The following ZNF738 variants were observed in gnomAD, a reference collection of about 807,000 sequenced individuals.
ZNF738 encodes protein ZNF738.
A neutral mutation model predicts 9.2 loss-of-function variants in ZNF738; 10 were observed. The observed-to-expected ratio is 1.09, with a 90% CI of 0.67 to 1.85. The LOEUF is 1.85. ZNF738 is among the 40% of genes most tolerant of loss of function. The probability of loss-of-function intolerance (pLI) is 0.00; values close to 1 mark genes in which losing one functional copy is unlikely to be tolerated. For missense variants in ZNF738, 346 were observed against 283.6 expected, an observed-to-expected ratio of 1.22 and a Z score of -1.58; for synonymous variants, 113 against 94.5, an observed-to-expected ratio of 1.20 and a Z score of -1.14.
At chr19:21,366,865 T>G (rs1215864802) in intron 2 of ZNF738, among the ~76,000 whole-genome samples, 1 of 152,188 alleles carries the variant, frequency 6.6e-6, no homozygotes, top group East Asian at 1.9e-4. Context: ...TGGTGGCTTT[T>G]ATCCCACTTC....
Position 21,384,204 on chromosome 19 carries a change from C to G in ZNF738, c.*530C>G, listed in dbSNP as rs563622928. On this transcript the variant is annotated 3_prime_UTR_variant, in exon 5 of 5. Transcript: ENST00000683779. ...TGGCAAAGCTTTTAACTGGTACTCA[C>G]GCCTTACTACACATAAGAGAATTCA... is the stretch of plus-strand genomic sequence containing the variant. 7.4e-7 allele frequency: 1 copy of G among 1,359,618 alleles called. No individual in the cohort carries two copies. Among genetic ancestry groups the G allele is most frequent in the South Asian group, 1.2e-5 (1 of 86,006 alleles). The allele number at this position is 1,359,618 out of a possible 1,614,324, so 84.2% of individuals were successfully genotyped here.
Position 21,377,264 on chromosome 19 carries a change from G to A in ZNF738, c.319+1300G>A, listed in dbSNP as rs898790468. Reference sequence around the variant, plus strand: ...GGAGGTTGTGGTGAGCTGAGATCGTGCCATTGCACTCCAGCCTGGGTAACA... The same window carrying A: ...GGAGGTTGTGGTGAGCTGAGATCGTACCATTGCACTCCAGCCTGGGTAACA... On this transcript the variant is annotated intron_variant, in intron 4 of 4. Transcript: ENST00000683779. The A allele has an allele frequency of 2.6e-5, 13 of 500,418 alleles. No homozygotes were observed. The Admixed American group carries it at 4.3e-4, about 17-fold the overall frequency. The allele number at this position is 500,418 out of a possible 1,614,324, so 31.0% of individuals were successfully genotyped here.
chr19:21,382,512 C>T (rs1172507887), intron 4 of ZNF738, among the ~76,000 whole-genome samples: 5 of 152,066 alleles, frequency 3.3e-5, no homozygotes, highest in African/African-American at 9.7e-5. Context: ...GCTGGGATTA[C>T]AGGTGTGAGC....
chr19:21,373,036 A>G (rs1342606504), intron 2 of ZNF738, among the ~76,000 whole-genome samples: 1 of 152,216 alleles, frequency 6.6e-6, no homozygotes, highest in Non-Finnish European at 1.5e-5. Flanking sequence ...ACTAATGCTA[A>G]TAATGAGCCC....
At chr19:21,380,964 C>G (rs1420464340) in intron 4 of ZNF738, among the ~76,000 whole-genome samples, 1 of 152,164 alleles carries the variant, frequency 6.6e-6, no homozygotes, top group Non-Finnish European at 1.5e-5. Flanking sequence ...TTTAATGAAA[C>G]TGTTTCTAAA....
At chr19:21,381,423 T>G (rs923488047) in intron 4 of ZNF738, 1 of 1,502,754 alleles carries the variant, frequency 6.7e-7, no homozygotes, top group Non-Finnish European at 9.2e-7. Flanking sequence ...TATTCTAGAG[T>G]ATAAGAAAGG....
At chr19:21,377,937 TTCTC>T in intron 4 of ZNF738, 1 of 391,652 alleles carries the variant, frequency 2.6e-6, no homozygotes, top group Non-Finnish European at 4.5e-6. Flanking sequence ...CTCTCTTTGT[TTCTC>T]TCTGTGGCTG....
chr19:21,364,022 C>A (rs950630382), intron 2 of ZNF738, among the ~76,000 whole-genome samples: 3 of 151,342 alleles, frequency 2.0e-5, no homozygotes, highest in Non-Finnish European at 2.9e-5. Flanking sequence ...TATGGTGAAA[C>A]CCCGTCTCTA....
rs1485691777 is a variant in ZNF738 at position 21,388,227 on chromosome 19, TAC to T, written c.*4555_*4556del. On this transcript the variant is annotated 3_prime_UTR_variant, in exon 5 of 5. Transcript: ENST00000683779. Reference sequence around the variant, plus strand: ...AGTATACTTTATTTCTTGAAAAAATTACAGACTTTGAAAGCAAATGATGTAAT... The same window carrying T: ...AGTATACTTTATTTCTTGAAAAAATTAGACTTTGAAAGCAAATGATGTAAT... 1.3e-5 allele frequency among the ~76,000 whole-genome samples: 2 copies of T among 152,164 alleles called. No homozygotes were observed. Among genetic ancestry groups the T allele is most frequent in the Non-Finnish European group, 2.9e-5 (2 of 68,014 alleles).
intron 2 of ZNF738, among the ~76,000 whole-genome samples, chr19:21,364,560 AAAG>A (rs1476518031): frequency 2.6e-5 from 4 of 152,120 alleles, no homozygotes; most frequent in African/African-American, 9.7e-5. Context: ...TTTTACCAAA[AAAG>A]GGTCCCAATC....
intron 3 of ZNF738, 76 bp from the exon 4 acceptor site, chr19:21,375,793 C>G: frequency 1.6e-6 from 1 of 637,696 alleles, no homozygotes; most frequent in Non-Finnish European, 2.9e-6. Flanking sequence ...ATTACCTCCT[C>G]TTTACTAAGC....
In ZNF738 at chr19:21,383,460, A is replaced by G. The variant is rs62110375; in HGVS notation, c.914A>G (p.Lys305Arg). ...KDFKQSSHLT[K>R]HKTIHAGEKP... ...TTTAAACAGTCCTCACACCTTACTA[A>G]ACATAAGACAATTCATGCTGGAGAG... Residue 305 changes from lysine (K) to arginine (R), a missense_variant, in exon 5 of 5, where the codon AAA becomes AGA. Coordinates refer to ENST00000683779, the MANE Select transcript of ZNF738 (RefSeq NM_001355237.2). 1 of 541,128 alleles carries G rather than the reference A, an allele frequency of 1.8e-6. No homozygotes were observed. Among genetic ancestry groups the G allele is most frequent in the Non-Finnish European group, 3.3e-6 (1 of 300,898 alleles). The allele number at this position is 541,128 out of a possible 1,614,324, so 33.5% of individuals were successfully genotyped here. A position where few individuals can be genotyped will look rare whatever the true frequency, so the allele number is the denominator to read the frequency against.
Position 21,375,277 on chromosome 19 carries a change from C to A in ZNF738, c.136C>A (p.Gln46Lys). Residue 46 changes from glutamine (Q) to lysine (K), a missense_variant, in exon 3 of 5, where the codon CAG becomes AAG. Physicochemically the swap from Gln to Lys is moderately conservative, Grantham distance 53 (BLOSUM62 1). Transcript: ENST00000683779. The stretch of plus-strand genomic sequence containing the variant: ...TAGGGATGTGGTCATAGAATTCTCT[C>A]AGGAGGAGTGGCAATGCCTGGACAC... ...TFRDVVIEFSQEEWQCLDTAQ... is the reference protein window; with the variant it reads ...TFRDVVIEFSKEEWQCLDTAQ... 1 of 1,147,712 alleles carries A rather than the reference C, an allele frequency of 8.7e-7. No individual in the cohort carries two copies. Among genetic ancestry groups the A allele is most frequent in the Non-Finnish European group, 1.3e-6 (1 of 756,280 alleles). The allele number at this position is 1,147,712 out of a possible 1,614,324, so 71.1% of individuals were successfully genotyped here. A position where few individuals can be genotyped will look rare whatever the true frequency, so the allele number is the denominator to read the frequency against.
At position 21,373,296 on chromosome 19, in the gene ZNF738, G is replaced by T. The variant is rs144483376; in HGVS notation, c.97-1942G>T. ...TCCACAGGTTCTGTTTATTGTTCTAGGTGAAAGTATTCATGTTGTTTTAAT... is the reference window on the plus strand; with the variant it reads ...TCCACAGGTTCTGTTTATTGTTCTATGTGAAAGTATTCATGTTGTTTTAAT... On this transcript the variant is annotated intron_variant, in intron 2 of 4. Transcript: ENST00000683779. Among the ~76,000 whole-genome samples the T allele has an allele frequency of 4.0e-3, 612 of 152,266 alleles. 3 individuals are homozygous for T. Among genetic ancestry groups the T allele is most frequent in the Non-Finnish European group, 6.7e-3 (454 of 68,014 alleles).
rs1973697825 is a variant in ZNF738 at position 21,361,800 on chromosome 19, G to A, written c.38G>A (p.Gly13Glu). Residue 13 changes from glycine to glutamate, a missense_variant, in exon 2 of 5, where the codon GGG (glycine) becomes GAG (glutamate). Coordinates refer to ENST00000683779, the MANE Select transcript of ZNF738 (RefSeq NM_001355237.2). ...AGGTATGGAGTGTATCCTGTCAAGG[G>A]GGCAAGTGGATACCCTGGGGCTGAG... Reference protein sequence around the residue: ...DLRYGVYPVKGASGYPGAERN... With the variant: ...DLRYGVYPVKEASGYPGAERN... 1 of 780,704 alleles carries A rather than the reference G, an allele frequency of 1.3e-6. No homozygotes were observed. Among genetic ancestry groups the A allele is most frequent in the Admixed American group, 1.7e-5 (1 of 58,992 alleles). 48.4% of individuals were successfully genotyped at this position (780,704 alleles called of 1,614,324 possible).
In ZNF738 at chr19:21,359,506, C is replaced by T. The variant is rs537411515; in HGVS notation, c.3+363C>T. On this transcript the variant is annotated intron_variant, in intron 1 of 4. Coordinates refer to ENST00000683779, the MANE Select transcript of ZNF738 (RefSeq NM_001355237.2). ...TTCATGAATGGGAAGAGGTTTGTTC[C>T]GTGGGGTTCCCAGTTCCTATTATCT... Among the ~76,000 whole-genome samples the T allele has an allele frequency of 3.3e-5, 5 of 152,250 alleles. No individual in the cohort carries two copies. The South Asian group carries it at 1.0e-3, about 32-fold the overall frequency.
In ZNF738 at chr19:21,366,889, A is replaced by C. The variant is rs144841370; in HGVS notation, c.96+5031A>C. Among the ~76,000 whole-genome samples, 300 of 152,136 alleles carry C rather than the reference A, an allele frequency of 2.0e-3. 1 individual carries two copies. Among genetic ancestry groups the C allele is most frequent in the African/African-American group, 6.8e-3 (282 of 41,516 alleles). On this transcript the variant is annotated intron_variant, in intron 2 of 4. Coordinates refer to ENST00000683779, the MANE Select transcript of ZNF738 (RefSeq NM_001355237.2). Reference sequence around the variant, plus strand: ...TTATCCCACTTCTTTACTGCAAGCTATTTTATCAGCCAGATCTTTGTGACC... The same window carrying C: ...TTATCCCACTTCTTTACTGCAAGCTCTTTTATCAGCCAGATCTTTGTGACC...
At chr19:21,364,064 A>T (rs1374807992) in intron 2 of ZNF738, among the ~76,000 whole-genome samples, 1 of 151,036 alleles carries the variant, frequency 6.6e-6, no homozygotes, top group Non-Finnish European at 1.5e-5. Context: ...AGGCGTAGAG[A>T]TGTGCACCTG....
At chr19:21,379,563 A>G (rs1163674025) in intron 4 of ZNF738, among the ~76,000 whole-genome samples, 1 of 152,208 alleles carries the variant, frequency 6.6e-6, no homozygotes, top group Non-Finnish European at 1.5e-5. Flanking sequence ...ATCTCAGCAG[A>G]CACAAACTGT....
Sources: allele counts gnomAD v4.1 joint callset (sites outside exome capture counted in the v4.1 genomes callset), GRCh38; gene constraint gnomAD v4.1.1; transcripts MANE v1.5; gene names NCBI Gene and HGNC (gene_info 2026-07-23, HGNC 2026-07-21).